ZAP70: variants seen among roughly 807,000 people sequenced by gnomAD.
The protein encoded by ZAP70 is zeta chain of T cell receptor associated protein kinase 70.
A neutral mutation model predicts 65.8 loss-of-function variants in ZAP70; 27 were observed. The observed-to-expected ratio is 0.41, with a 90% CI of 0.30 to 0.57. ZAP70 has a LOEUF of 0.57. ZAP70 is among the 20% of genes least tolerant of loss of function. The probability of loss-of-function intolerance (pLI) is 0.28; values close to 1 mark genes in which losing one functional copy is unlikely to be tolerated. For synonymous variants in ZAP70, 363 were observed against 360.8 expected, an observed-to-expected ratio of 1.01 and a Z score of -0.07; for missense variants, 696 against 870.5, an observed-to-expected ratio of 0.80 and a Z score of 2.52.
chr2:97,727,006 C>T (rs1677414058), intron 4 of ZAP70, among the ~76,000 whole-genome samples: 1 of 152,258 alleles, frequency 6.6e-6, no homozygotes, highest in Admixed American at 6.5e-5. Context: ...ACTCACATGA[C>T]TGGCCATTGG....
At position 97,724,084 on chromosome 2, in the gene ZAP70, G is replaced by A. The variant is rs1296629379; in HGVS notation, c.48G>A (p.Ser16=). The A allele has an allele frequency of 1.9e-6, 3 of 1,559,744 alleles. No homozygotes were observed. The African/African-American group carries it at 4.1e-5, about 21-fold the overall frequency. The change falls in exon 3 of 14, where the codon TCG becomes TCA. Residue 16 remains serine, a synonymous_variant. Transcript: ENST00000264972. ...AHLPFFYGSI[S]RAEAEEHLKL... ...TGCCCTTCTTCTACGGCAGCATCTCGCGTGCCGAGGCCGAGGAGCACCTGA... is the reference window on the plus strand; with the variant it reads ...TGCCCTTCTTCTACGGCAGCATCTCACGTGCCGAGGCCGAGGAGCACCTGA...
chr2:97,737,941 G>A lies in ZAP70; in HGVS notation c.1623+44G>A, dbSNP rs200199832. ...AGGTGGGCGGTGTGGTGGGGAGGGGGATGAGGAGGAGGACACTGGTCACTC... is the reference window on the plus strand; with the variant it reads ...AGGTGGGCGGTGTGGTGGGGAGGGGAATGAGGAGGAGGACACTGGTCACTC... On this transcript the variant is annotated intron_variant, in intron 12 of 13. Coordinates refer to ENST00000264972, the MANE Select transcript of ZAP70 (RefSeq NM_001079.4). The surrounding 1 kb of genome is among the most constrained non-coding windows in gnomAD (Gnocchi z 5.0). 2.5e-6 allele frequency: 4 copies of A among 1,613,984 alleles called. No individual in the cohort carries two copies. Among genetic ancestry groups the A allele is most frequent in the African/African-American group, 2.7e-5 (2 of 75,012 alleles).
At chr2:97,744,416 A>G (rs1678200901), downstream of ZAP70, among the ~76,000 whole-genome samples, 2 of 152,196 alleles carry the variant, frequency 1.3e-5, no homozygotes, top group Admixed American at 1.3e-4. Flanking sequence ...GACCTCAGGG[A>G]GGTTACTTAA....
rs201712942 is a variant in ZAP70, at chr2:97,737,572, G to A, written c.1389G>A (p.Ala463=). 2.0e-5 allele frequency: 33 copies of A among 1,613,988 alleles called. No homozygotes were observed. In the Middle Eastern group the frequency reaches 4.9e-4, roughly 24 times the overall value. ...EEKNFVHRDL[A]ARNVLLVNRH... ...AGAACTTTGTGCACCGTGACCTGGCGGCCCGCAACGTCCTGCTGGTTAACC... is the reference window on the plus strand; with the variant it reads ...AGAACTTTGTGCACCGTGACCTGGCAGCCCGCAACGTCCTGCTGGTTAACC... The change falls in exon 11 of 14, where the codon GCG becomes GCA. Residue 463 remains alanine (A), a synonymous_variant. Transcript: ENST00000264972. This position sits in a 1 kb window ranked among gnomAD's most constrained non-coding sequence, Gnocchi z 5.0.
the ZAP70 span, among the ~76,000 whole-genome samples, chr2:97,751,951 A>G: frequency 1.4e-4 from 22 of 152,186 alleles, no homozygotes; most frequent in African/African-American, 5.3e-4. Flanking sequence ...CACCTTCCAC[A>G]CTGGGGATCA....
intron 2 of ZAP70, 63 bp from the exon 3 acceptor site, chr2:97,723,953 T>C (rs1677262373): frequency 6.6e-7 from 1 of 1,521,150 alleles, no homozygotes; most frequent in Admixed American, 2.0e-5. Context: ...GCGCCGTCTT[T>C]GGGCCCAACG....
intron 13 of ZAP70, 188 bp downstream of exon 13, chr2:97,738,295 C>T: frequency 3.1e-6 from 2 of 653,044 alleles, no homozygotes; most frequent in Non-Finnish European, 5.4e-6. Flanking sequence ...TGCTGTCCTG[C>T]TCCAGTGTGC....
rs796438517 is a variant in ZAP70 at position 97,717,370 on chromosome 2, A to G, written c.-22+3376A>G. 4.3e-3 allele frequency among the ~76,000 whole-genome samples: 448 copies of G among 103,190 alleles called. 2 individuals are homozygous for G. Among genetic ancestry groups the G allele is most frequent in the African/African-American group, 0.015 (344 of 22,318 alleles). The allele number at this position is 103,190 out of a possible 152,430, so 67.7% of individuals were successfully genotyped here. Reference sequence around the variant, plus strand: ...GGACATGCGGAGCCTCTGGCTGGGGAGACATGCGGAGCCTCTGGCTGGGGG... The same window carrying G: ...GGACATGCGGAGCCTCTGGCTGGGGGGACATGCGGAGCCTCTGGCTGGGGG... On this transcript the variant is annotated intron_variant, in intron 2 of 13. Coordinates refer to ENST00000264972, the MANE Select transcript of ZAP70 (RefSeq NM_001079.4).
At chr2:97,721,462 G>T (rs1328402937) in intron 2 of ZAP70, among the ~76,000 whole-genome samples, 3 of 152,056 alleles carry the variant, frequency 2.0e-5, no homozygotes, top group Non-Finnish European at 4.4e-5. Context: ...CGCCCAGGCT[G>T]GAGTGCAATG....
chr2:97,738,003 A>G lies in ZAP70; in HGVS notation c.1632A>G (p.Lys544=). 3.1e-6 allele frequency: 5 copies of G among 1,613,920 alleles called. No individual in the cohort carries two copies. The highest frequency in any genetic ancestry group is 4.2e-6 in the Non-Finnish European group (5 of 1,179,886). ...SYGQKPYKKM[K]GPEVMAFIEQ... is the part of the protein sequence containing the mutation. ...TGCCCCGGCTTGAGCAGAAGATGAA[A>G]GGGCCGGAGGTCATGGCCTTCATCG... Residue 544 remains lysine, a synonymous_variant, in exon 13 of 14, where the codon AAA becomes AAG. Coordinates refer to ENST00000264972, the MANE Select transcript of ZAP70 (RefSeq NM_001079.4).
rs539122081 is a variant in ZAP70, at chr2:97,732,960, G to T, written c.641G>T (p.Ser214Ile). The T allele has an allele frequency of 1.9e-6, 3 of 1,614,026 alleles. No homozygotes were observed. The highest frequency in any genetic ancestry group is 2.2e-5 in the South Asian group (2 of 91,090). The change falls in exon 5 of 14, where the codon AGC becomes ATC. Residue 214 changes from serine to isoleucine, a missense_variant. Ser to Ile is a moderately radical substitution (Grantham distance 142, BLOSUM62 -2). This residue lies in a region of ZAP70 where 551 missense variants were observed against 630.0 expected (regional missense o/e 0.87). Transcript: ENST00000264972. ...AAGACGGTGTACCACTACCTCATCA[G>T]CCAAGACAAGGCGGGCAAGTACTGC... Reference protein sequence around the residue: ...YGKTVYHYLISQDKAGKYCIP... With the variant: ...YGKTVYHYLIIQDKAGKYCIP...
Position 97,737,455 on chromosome 2 carries a change from C to A in ZAP70, c.1290-18C>A, listed in dbSNP as rs374216712. On this transcript the variant is annotated intron_variant, in intron 10 of 13. Coordinates refer to ENST00000264972, the MANE Select transcript of ZAP70 (RefSeq NM_001079.4). This position sits in a 1 kb window ranked among gnomAD's most constrained non-coding sequence, Gnocchi z 5.0. The stretch of plus-strand genomic sequence containing the variant: ...GCTAGTCTTCTCCCAGCTGACCCCG[C>A]CTTCCCCGCCACCCCAGGGAGGAGA... 24 of 1,613,848 alleles carry A rather than the reference C, an allele frequency of 1.5e-5. No homozygotes were observed. The African/African-American group carries it at 3.1e-4, about 21-fold the overall frequency.
Position 97,734,688 on chromosome 2 carries a change from G to A in ZAP70, c.1058G>A (p.Arg353His). 6.2e-7 allele frequency: 1 copy of A among 1,614,034 alleles called. No homozygotes were observed. The highest frequency in any genetic ancestry group is 8.5e-7 in the Non-Finnish European group (1 of 1,180,024). ...ELGCGNFGSVRQGVYRMRKKQ... is the reference protein window; with the variant it reads ...ELGCGNFGSVHQGVYRMRKKQ... ...GGCTGCGGCAACTTTGGCTCAGTGC[G>A]CCAGGGCGTGTACCGCATGCGCAAG... Residue 353 changes from arginine to histidine, a missense_variant, in exon 9 of 14, where the codon CGC becomes CAC. Arg to His is a conservative substitution (Grantham distance 29, BLOSUM62 0). Around this residue, in one of 3 missense-constraint regions of ZAP70, gnomAD observed 551 missense variants for 630.0 expected, o/e 0.87. Transcript: ENST00000264972.
In ZAP70 at chr2:97,737,904, G is replaced by T; in HGVS notation, c.1623+7G>T. 1 of 1,614,110 alleles carries T rather than the reference G, an allele frequency of 6.2e-7. No individual in the cohort carries two copies. The highest frequency in any genetic ancestry group is 8.5e-7 in the Non-Finnish European group (1 of 1,179,956). ...CGGCCAGAAGCCCTACAAGGCAGGC[G>T]CGGGCAGAGGCAGGTGGGCGGTGTG... On this transcript the variant is annotated splice_region_variant and intron_variant, in intron 12 of 13. Transcript: ENST00000264972. This position sits in a 1 kb window ranked among gnomAD's most constrained non-coding sequence, Gnocchi z 5.0.
rs746365959 is a variant in ZAP70, at chr2:97,724,877, T to C, written c.403-215T>C. 2.0e-6 allele frequency: 3 copies of C among 1,529,836 alleles called. No individual in the cohort carries two copies. In the South Asian group the frequency reaches 3.6e-5, roughly 18 times the overall value. The allele number at this position is 1,529,836 out of a possible 1,614,324, so 94.8% of individuals were successfully genotyped here. On this transcript the variant is annotated intron_variant, in intron 3 of 13. Coordinates refer to ENST00000264972, the MANE Select transcript of ZAP70 (RefSeq NM_001079.4). Reference sequence around the variant, plus strand: ...TAGGTCTTCAAGCTGGAGATGCGCTTGGGGCCGCGCTGGAAGGTGGGGGTG... The same window carrying C: ...TAGGTCTTCAAGCTGGAGATGCGCTCGGGGCCGCGCTGGAAGGTGGGGGTG...
At chr2:97,724,574 A>C (rs1200388530) in intron 3 of ZAP70, 136 bp downstream of exon 3, 1 of 1,533,960 alleles carries the variant, frequency 6.5e-7, no homozygotes, top group Non-Finnish European at 8.7e-7. Context: ...GAGGTGGGGC[A>C]CTGGTTGGGG....
At position 97,733,283 on chromosome 2, in the gene ZAP70, T is replaced by G; in HGVS notation, c.791-14T>G. 6.2e-7 allele frequency: 1 copy of G among 1,607,666 alleles called. No individual in the cohort carries two copies. Reference sequence around the variant, plus strand: ...CCTGGCCCCCAGCCCTCACTGTCCCTTCTGCTCCCCCAGGGGCTGCTGCTC... The same window carrying G: ...CCTGGCCCCCAGCCCTCACTGTCCCGTCTGCTCCCCCAGGGGCTGCTGCTC... On this transcript the variant is annotated splice_polypyrimidine_tract_variant and intron_variant, in intron 6 of 13. Transcript: ENST00000264972.
At chr2:97,717,356 G>GCTTGTGCTGCT (rs1676970116) in intron 2 of ZAP70, among the ~76,000 whole-genome samples, 1 of 142,798 alleles carries the variant, frequency 7.0e-6, no homozygotes, top group Admixed American at 6.7e-5. Context: ...GACATGCGGA[G>GCTTGTGCTGCT]CCTCTGGCTG....
intron 4 of ZAP70, chr2:97,732,565 A>G: frequency 2.2e-6 from 1 of 456,806 alleles, no homozygotes; most frequent in Admixed American, 3.5e-5. Context: ...TCCCCAGTGG[A>G]TGGGTGTCCC....
Sources: gnomAD v4.1 joint callset for allele counts (sites outside exome capture counted in the v4.1 genomes callset) on GRCh38, gnomAD v4.1.1 for gene constraint, gnomAD v4.1.1 regional missense constraint, Gnocchi (gnomAD v3.1) non-coding constraint, MANE v1.5 for transcripts, NCBI Gene and HGNC (gene_info 2026-07-23, HGNC 2026-07-21) for gene names.